The following ZNF385D variants were observed in gnomAD, a reference collection of about 807,000 sequenced individuals.
The protein encoded by ZNF385D is zinc finger protein 385D.
In ZNF385D, 15 loss-of-function variants were observed where a neutral mutation model predicts 35.8. The ratio of observed to expected loss-of-function variants is 0.42; its 90% CI spans 0.28 to 0.64. The LOEUF is 0.64. Among genes scored for constraint, ZNF385D ranks in the 30% least tolerant of loss-of-function variants. The pLI is 0.23. For missense variants in ZNF385D, 474 were observed against 494.6 expected, an observed-to-expected ratio of 0.96 and a Z score of 0.39; for synonymous variants, 212 against 186.8, an observed-to-expected ratio of 1.13 and a Z score of -1.10.
chr3:21,459,416 G>A (rs1306513543), intron 4 of ZNF385D: 2 of 152,012 alleles, frequency 1.3e-5, no homozygotes, highest in African/African-American at 4.8e-5. Flanking sequence ...GTGGCTGGCT[G>A]GATGAATAAT....
chr3:21,561,118 T>TTCTC (rs2062930347), intron 3 of ZNF385D, among the ~76,000 whole-genome samples: 1 of 152,204 alleles, frequency 6.6e-6, no homozygotes, highest in South Asian at 2.1e-4. Flanking sequence ...GACCACTTGG[T>TTCTC]TCTCTGACTT....
chr3:21,757,529 C>T (rs553412837), intron 3 of ZNF385D, among the ~76,000 whole-genome samples: 1 of 152,178 alleles, frequency 6.6e-6, no homozygotes, highest in South Asian at 2.1e-4. Flanking sequence ...CATTGAGAGC[C>T]AGAAATCTTA....
chr3:22,167,190 T>G (rs57986611), intron 3 of ZNF385D, among the ~76,000 whole-genome samples: 1 of 152,262 alleles, frequency 6.6e-6, no homozygotes, highest in East Asian at 1.9e-4. Context: ...TCTGGTGTGC[T>G]TTCCTCTGAT....
intron 3 of ZNF385D, among the ~76,000 whole-genome samples, chr3:21,532,430 C>G (rs1170416327): frequency 7.9e-5 from 12 of 152,072 alleles, no homozygotes; most frequent in Non-Finnish European, 1.8e-4. Flanking sequence ...ATATAAATCG[C>G]AAACATTTGG....
At chr3:21,799,413 T>A (rs540040996) in intron 3 of ZNF385D, among the ~76,000 whole-genome samples, 1 of 152,184 alleles carries the variant, frequency 6.6e-6, no homozygotes, top group Non-Finnish European at 1.5e-5. Context: ...TTTCTCTACA[T>A]CCTCATTAAC....
intron 1 of ZNF385D, among the ~76,000 whole-genome samples, chr3:21,665,826 G>A (rs2066389181): frequency 6.6e-6 from 1 of 152,200 alleles, no homozygotes; most frequent in South Asian, 2.1e-4. Context: ...AAGGATGGAA[G>A]CCCATCTTTA....
At chr3:21,888,136 C>T (rs907880459) in intron 3 of ZNF385D, among the ~76,000 whole-genome samples, 1 of 151,674 alleles carries the variant, frequency 6.6e-6, no homozygotes, top group South Asian at 2.1e-4. Flanking sequence ...GTTAATTATT[C>T]CTCAATTGCT....
At chr3:22,219,442 T>C (rs760327192) in intron 2 of ZNF385D, among the ~76,000 whole-genome samples, 2 of 152,148 alleles carry the variant, frequency 1.3e-5, no homozygotes, top group Non-Finnish European at 2.9e-5. Flanking sequence ...CCTGTCACCA[T>C]ATATTTTACA....
At chr3:21,839,825 G>A (rs1003729859) in intron 3 of ZNF385D, among the ~76,000 whole-genome samples, 1 of 151,964 alleles carries the variant, frequency 6.6e-6, no homozygotes, top group Non-Finnish European at 1.5e-5. Flanking sequence ...ACTCCCACAT[G>A]TATTACTGGC....
chr3:21,864,540 T>C (rs893457102), intron 3 of ZNF385D, among the ~76,000 whole-genome samples: 14 of 152,208 alleles, frequency 9.2e-5, no homozygotes, highest in Middle Eastern at 3.4e-3. Flanking sequence ...CTGGCTAACA[T>C]ACATCAAACA....
intron 3 of ZNF385D, among the ~76,000 whole-genome samples, chr3:22,068,454 C>A (rs1256300466): frequency 2.0e-5 from 3 of 152,088 alleles, no homozygotes. Context: ...TTTTCTTTTT[C>A]TGTCTACTCC....
chr3:22,344,646 T>A (rs182508887), intron 2 of ZNF385D, among the ~76,000 whole-genome samples: 35 of 152,278 alleles, frequency 2.3e-4, no homozygotes, highest in Middle Eastern at 3.4e-3. Context: ...TGTCTCAAAC[T>A]CCTGGGCTCT....
intron 3 of ZNF385D, among the ~76,000 whole-genome samples, chr3:22,035,931 G>GTT (rs35098442): frequency 0.13 from 20,038 of 151,284 alleles, 1,640 homozygotes; most frequent in South Asian, 0.26. Context: ...TACTTTCACA[G>GTT]TTTTTTTTTC....
intron 2 of ZNF385D, among the ~76,000 whole-genome samples, chr3:22,297,280 C>T (rs1702639118): frequency 6.6e-6 from 1 of 152,000 alleles, no homozygotes; most frequent in African/African-American, 2.4e-5. Flanking sequence ...CTGAACACCC[C>T]AAATGACATA....
chr3:21,743,577 G>A (rs550063399), intron 1 of ZNF385D, among the ~76,000 whole-genome samples: 50 of 152,342 alleles, frequency 3.3e-4, no homozygotes, highest in Non-Finnish European at 5.3e-4. Flanking sequence ...CAGCAGTTAC[G>A]TTCTTGCTAC....
intron 3 of ZNF385D, among the ~76,000 whole-genome samples, chr3:22,063,010 TCA>T: frequency 6.6e-6 from 1 of 152,158 alleles, no homozygotes. Flanking sequence ...GCCTCATGAC[TCA>T]CAGAAATTAC....
In ZNF385D at chr3:21,927,754, A is replaced by G. The variant is rs112041140; in HGVS notation, c.325+241063T>C. Among the ~76,000 whole-genome samples the G allele has an allele frequency of 7.2e-3, 1,103 of 152,314 alleles. 12 individuals are homozygous for G. The highest frequency in any genetic ancestry group is 0.022 in the African/African-American group (913 of 41,558). The stretch of plus-strand genomic sequence containing the variant: ...CTAGAGACAGTGATGTTTATAATAA[A>G]CTAGGGGACATTTTATTAGGGAGCT... On this transcript the variant is annotated intron_variant, in intron 3 of 5. Coordinates refer to the ZNF385D transcript ENST00000494108.
chr3:22,137,920 C>A (rs1225627700), intron 3 of ZNF385D, among the ~76,000 whole-genome samples: 3 of 151,972 alleles, frequency 2.0e-5, no homozygotes, highest in Non-Finnish European at 4.4e-5. Context: ...TCTAGAAAAC[C>A]CCATCGTCTC....
intron 2 of ZNF385D, among the ~76,000 whole-genome samples, chr3:22,173,755 AC>A (rs1694627088): frequency 6.6e-6 from 1 of 152,180 alleles, no homozygotes; most frequent in Non-Finnish European, 1.5e-5. Flanking sequence ...CTTGCCGTAT[AC>A]AAACTTACAA....
Sources: gnomAD v4.1 joint callset for allele counts (sites outside exome capture counted in the v4.1 genomes callset) on GRCh38, gnomAD v4.1.1 for gene constraint, MANE v1.5 for transcripts, NCBI Gene and HGNC (gene_info 2026-07-23, HGNC 2026-07-21) for gene names.